Variants in ASIP observed in about 807,000 individuals in gnomAD.
The protein encoded by ASIP is agouti-signaling protein.
A neutral mutation model predicts 10.3 loss-of-function variants in ASIP; 11 were observed. The observed-to-expected ratio is 1.07, with a 90% CI of 0.68 to 1.78. ASIP has a LOEUF of 1.78. ASIP is among the 40% of genes most tolerant of loss of function. ASIP has a pLI of 0.00. For missense variants in ASIP, 180 were observed against 169.2 expected (o/e 1.06, Z -0.35); for synonymous variants, 70 against 70.8 (o/e 0.99, Z 0.06).
intron 1 of ASIP, among the ~76,000 whole-genome samples, chr20:34,235,866 A>AAAGGAAGGAAGG (rs551494077): frequency 1.1e-4 from 4 of 36,896 alleles, no homozygotes; most frequent in Admixed American, 2.8e-4. Context: ...GGAAGGAAGG[A>AAAGGAAGGAAGG]AAGGAAGGAA....
At chr20:34,237,586 T>C (rs1298373522), upstream of ASIP, among the ~76,000 whole-genome samples, 1 of 152,238 alleles carries the variant, frequency 6.6e-6, no homozygotes, top group East Asian at 1.9e-4. Flanking sequence ...TAAGATCATA[T>C]TATCTGTGAA....
chr20:34,190,927 C>A (rs79409122), upstream of ASIP, among the ~76,000 whole-genome samples: 4,707 of 152,244 alleles, frequency 0.031, 253 homozygotes, highest in African/African-American at 0.11. Context: ...TTGACTCAGG[C>A]TCCTATTGAA....
At chr20:34,203,995 A>T (rs930540493) in intron 1 of ASIP, among the ~76,000 whole-genome samples, 1 of 152,176 alleles carries the variant, frequency 6.6e-6, no homozygotes, top group African/African-American at 2.4e-5. Context: ...AAGTTCTGGG[A>T]TTACAGGCGT....
intron 1 of ASIP, chr20:34,213,644 C>G: frequency 1.9e-6 from 3 of 1,563,874 alleles, no homozygotes; most frequent in Non-Finnish European, 2.6e-6. Flanking sequence ...GGAATGAACT[C>G]CTGGAGGTCT....
intron 1 of ASIP, chr20:34,214,042 T>G (rs2034991539): frequency 7.4e-7 from 1 of 1,356,632 alleles, no homozygotes; most frequent in Admixed American, 1.8e-5. Context: ...TTCTGCCGGG[T>G]ATTCATTATT....
chr20:34,213,774 C>G (rs2034989766), intron 1 of ASIP: 7 of 1,507,850 alleles, frequency 4.6e-6, no homozygotes. Flanking sequence ...TGAGAATACC[C>G]TTTTGTAAGG....
intron 1 of ASIP, among the ~76,000 whole-genome samples, chr20:34,225,515 CA>C (rs2035086655): frequency 6.6e-6 from 1 of 151,958 alleles, no homozygotes; most frequent in African/African-American, 2.4e-5. Context: ...AATATTTTAT[CA>C]TTCTCACAGT....
At chr20:34,203,750 T>G (rs1247711505) in intron 1 of ASIP, among the ~76,000 whole-genome samples, 1 of 150,888 alleles carries the variant, frequency 6.6e-6, no homozygotes, top group Non-Finnish European at 1.5e-5. Flanking sequence ...GAGATGGAGT[T>G]TCGCTCTTTT....
At chr20:34,188,824 A>C in the ASIP span, among the ~76,000 whole-genome samples, 1 of 152,050 alleles carries the variant, frequency 6.6e-6, no homozygotes, top group Non-Finnish European at 1.5e-5. Flanking sequence ...TCTTTCCCCC[A>C]CCCGGAGCCC....
intron 1 of ASIP, among the ~76,000 whole-genome samples, chr20:34,223,148 T>C (rs2035061970): frequency 6.8e-6 from 1 of 147,662 alleles, no homozygotes; most frequent in Non-Finnish European, 1.5e-5. Context: ...GTGAGGAGCG[T>C]CTCCTCCTGG....
chr20:34,190,534 C>G (rs2034818547), upstream of ASIP, among the ~76,000 whole-genome samples: 1 of 152,030 alleles, frequency 6.6e-6, no homozygotes, highest in African/African-American at 2.4e-5. Context: ...GATCTCTCTC[C>G]TGACCTTTAG....
At chr20:34,261,839 G>A (rs137883268) in intron 2 of ASIP, among the ~76,000 whole-genome samples, 2,741 of 152,108 alleles carry the variant, frequency 0.018, 94 homozygotes, top group African/African-American at 0.063. Flanking sequence ...TCGGCCAGGC[G>A]CGGTGGCTCA....
chr20:34,235,136 C>T (rs142824647), intron 1 of ASIP: 26 of 152,316 alleles, frequency 1.7e-4, no homozygotes, highest in South Asian at 4.2e-4. Flanking sequence ...GCAAAGTGAC[C>T]GAAGCTGTTA....
At chr20:34,198,984 A>G (rs1359589648) in intron 1 of ASIP, among the ~76,000 whole-genome samples, 9 of 152,054 alleles carry the variant, frequency 5.9e-5, no homozygotes, top group Admixed American at 5.9e-4. Context: ...TTCTAACACC[A>G]TACATTAAAT....
At chr20:34,233,129 G>A (rs552033545) in intron 1 of ASIP, among the ~76,000 whole-genome samples, 75 of 144,224 alleles carry the variant, frequency 5.2e-4, no homozygotes, top group African/African-American at 1.8e-3. Flanking sequence ...AGTCAACTGT[G>A]AATGGGACAA....
intron 1 of ASIP, chr20:34,246,425 G>A: frequency 7.4e-7 from 1 of 1,346,148 alleles, no homozygotes; most frequent in Non-Finnish European, 1.1e-6. Context: ...GTACTCTGTT[G>A]GTAATGAACA....
At chr20:34,246,051 A>C (rs1398407141) in intron 1 of ASIP, 1 of 916,914 alleles carries the variant, frequency 1.1e-6, no homozygotes, top group African/African-American at 1.6e-5. Flanking sequence ...AGTCTCCCCG[A>C]ATAATTTCAT....
At chr20:34,212,892 A>ATTC (rs1176352197) in intron 1 of ASIP, among the ~76,000 whole-genome samples, 1 of 152,202 alleles carries the variant, frequency 6.6e-6, no homozygotes, top group Non-Finnish European at 1.5e-5. Flanking sequence ...ACTTGAATCA[A>ATTC]TTCTTACTAT....
rs34524786 is a variant in ASIP, at chr20:34,196,173, C to CTTTTTT, written c.-11+1432_-11+1437dup. 1.8e-4 allele frequency among the ~76,000 whole-genome samples: 15 copies of CTTTTTT among 83,686 alleles called. 1 individual carries two copies. The highest frequency in any genetic ancestry group is 2.9e-4 in the African/African-American group (6 of 20,340). 54.9% of individuals were successfully genotyped at this position (83,686 alleles called of 152,430 possible). On this transcript the variant is annotated intron_variant, in intron 1 of 3. Coordinates refer to the ASIP transcript ENST00000568305. ...GAACTCTCATTGAAAAGGGAGATTTCTTTTTTTTTTTTTTTTTTTTTTTTG... is the reference window on the plus strand; with the variant it reads ...GAACTCTCATTGAAAAGGGAGATTTCTTTTTTTTTTTTTTTTTTTTTTTTTTTTTTG...
Sources: allele counts gnomAD v4.1 joint callset (sites outside exome capture counted in the v4.1 genomes callset), GRCh38; gene constraint gnomAD v4.1.1; transcripts MANE v1.5; gene names NCBI Gene and HGNC (gene_info 2026-07-23, HGNC 2026-07-21).